The following PTPN9 variants were observed in gnomAD, a reference collection of about 807,000 sequenced individuals.
PTPN9 encodes tyrosine-protein phosphatase non-receptor type 9.
PTPN9 carries 26 observed loss-of-function variants against 69.8 expected under a neutral mutation model. The observed-to-expected ratio is 0.37, with a 90% CI of 0.27 to 0.52. The LOEUF is 0.52. Ranked by LOEUF, PTPN9 falls within the 20% of genes least tolerant of loss-of-function variation. The pLI is 0.91. For synonymous variants in PTPN9, 274 were observed against 272.5 expected (o/e 1.01, Z -0.05); for missense variants, 549 against 740.3 (o/e 0.74, Z 3.00).
intron 1 of PTPN9, among the ~76,000 whole-genome samples, chr15:75,571,431 A>G (rs2075147932): frequency 6.6e-6 from 1 of 152,118 alleles, no homozygotes. Flanking sequence ...AAGAAAAAAC[A>G]TAAAATTAAA....
At chr15:75,559,524 A>C (rs2141339864) in intron 1 of PTPN9, among the ~76,000 whole-genome samples, 1 of 152,332 alleles carries the variant, frequency 6.6e-6, no homozygotes, top group South Asian at 2.1e-4. Context: ...CGTTAGATGG[A>C]TTAAGGGCGG....
rs143409611 is a variant in PTPN9 at position 75,491,173 on chromosome 15, C to T, written c.969-872G>A. On this transcript the variant is annotated intron_variant, in intron 7 of 12. Coordinates refer to ENST00000618819, the MANE Select transcript of PTPN9 (RefSeq NM_002833.4). ...ATCCCAGCACTTTGGGAGGCCAAGG[C>T]GGGTGGATCACCTGGGGTCAGGGGT... Among the ~76,000 whole-genome samples, 24 of 151,950 alleles carry T rather than the reference C, an allele frequency of 1.6e-4. No homozygotes were observed. The East Asian group carries it at 3.1e-3, about 20-fold the overall frequency.
Position 75,530,687 on chromosome 15 carries a change from T to TAC in PTPN9, c.64-3427_64-3426insGT, listed in dbSNP as rs59241994. 4.3e-5 allele frequency among the ~76,000 whole-genome samples: 2 copies of TAC among 46,846 alleles called. 1 individual carries two copies. Among genetic ancestry groups the TAC allele is most frequent in the African/African-American group, 2.2e-4 (2 of 9,260 alleles). The allele number at this position is 46,846 out of a possible 152,430, so 30.7% of individuals were successfully genotyped here. ...ATATACTATTATATATATTATTATA[T>TAC]TATAATATATATAATATATATTATT... is the stretch of plus-strand genomic sequence containing the variant. On this transcript the variant is annotated intron_variant, in intron 1 of 12. Coordinates refer to ENST00000618819, the MANE Select transcript of PTPN9 (RefSeq NM_002833.4).
At chr15:75,577,993 C>T (rs1403041857) in intron 1 of PTPN9, among the ~76,000 whole-genome samples, 1 of 152,168 alleles carries the variant, frequency 6.6e-6, no homozygotes, top group East Asian at 1.9e-4. Flanking sequence ...CAAACCACTT[C>T]CTTCTGAAAA....
chr15:75,496,444 T>C (rs2074742143), intron 7 of PTPN9, among the ~76,000 whole-genome samples: 1 of 151,666 alleles, frequency 6.6e-6, no homozygotes, highest in Admixed American at 6.6e-5. Context: ...AGTGGAGACA[T>C]AGTATAAGAG....
intron 1 of PTPN9, among the ~76,000 whole-genome samples, chr15:75,537,728 A>G (rs1268323580): frequency 2.0e-5 from 2 of 98,894 alleles, no homozygotes; most frequent in Non-Finnish European, 4.0e-5. Context: ...GCACTCCAGC[A>G]GGGCAACAGA....
intron 1 of PTPN9, among the ~76,000 whole-genome samples, chr15:75,538,986 AAAGC>A (rs1002050699): frequency 2.6e-5 from 4 of 152,144 alleles, no homozygotes; most frequent in Admixed American, 2.6e-4. Context: ...CCTAGGCAAC[AAAGC>A]AAGACCCAGT....
intron 9 of PTPN9, among the ~76,000 whole-genome samples, chr15:75,476,804 C>A (rs578205652): frequency 1.3e-5 from 2 of 152,296 alleles, no homozygotes; most frequent in African/African-American, 4.8e-5. Flanking sequence ...GACACCTTTT[C>A]CACATCTCTG....
intron 6 of PTPN9, among the ~76,000 whole-genome samples, 193 bp downstream of exon 6, chr15:75,508,724 G>A (rs552056442): frequency 2.0e-5 from 3 of 152,324 alleles, no homozygotes; most frequent in South Asian, 2.1e-4. Flanking sequence ...CAAGAAGCTC[G>A]TAGGACAGTA....
At position 75,464,258 on chromosome 15, in the gene PTPN9, AAC is replaced by A. The variant is rs1166859059; in HGVS notation, c.*4509_*4510del. Reference sequence around the variant, plus strand: ...GCTGGAGTTCGAGACCAGCCTGGGCAACATAGTGAGATCCTGTCTCTAGAGAG... The same window carrying A: ...GCTGGAGTTCGAGACCAGCCTGGGCAATAGTGAGATCCTGTCTCTAGAGAG... On this transcript the variant is annotated 3_prime_UTR_variant, in exon 13 of 13. Coordinates refer to ENST00000618819, the MANE Select transcript of PTPN9 (RefSeq NM_002833.4). 1 of 152,552 alleles carries A rather than the reference AAC, an allele frequency of 6.6e-6. No homozygotes were observed. Among genetic ancestry groups the A allele is most frequent in the African/African-American group, 2.4e-5 (1 of 41,348 alleles). 9.4% of individuals were successfully genotyped at this position (152,552 alleles called of 1,614,324 possible). A position where few individuals can be genotyped will look rare whatever the true frequency, so the allele number is the denominator to read the frequency against.
Position 75,465,778 on chromosome 15 carries a change from C to T in PTPN9, c.*2991G>A, listed in dbSNP as rs2074534354. 6.6e-6 allele frequency: 1 copy of T among 152,204 alleles called. No individual in the cohort carries two copies. Among genetic ancestry groups the T allele is most frequent in the South Asian group, 2.1e-4 (1 of 4,828 alleles). The allele number at this position is 152,204 out of a possible 1,614,324, so 9.4% of individuals were successfully genotyped here. On this transcript the variant is annotated 3_prime_UTR_variant, in exon 13 of 13. Transcript: ENST00000618819. ...CAGTCTTCAGATATGCAATGAGGAACTCATGCATAACCTTAAATTCACAGG... is the reference window on the plus strand; with the variant it reads ...CAGTCTTCAGATATGCAATGAGGAATTCATGCATAACCTTAAATTCACAGG...
intron 9 of PTPN9, among the ~76,000 whole-genome samples, chr15:75,475,038 C>T (rs1170756475): frequency 6.6e-6 from 1 of 152,194 alleles, no homozygotes; most frequent in Non-Finnish European, 1.5e-5. Context: ...GAAGCTTCTT[C>T]TCTTTTGCTT....
At chr15:75,482,860 C>A (rs2074650929) in intron 8 of PTPN9, among the ~76,000 whole-genome samples, 1 of 151,576 alleles carries the variant, frequency 6.6e-6, no homozygotes, top group Admixed American at 6.6e-5. Context: ...GAGGCTGAGG[C>A]AGGAGAATGG....
At chr15:75,525,629 C>A (rs879599849) in intron 2 of PTPN9, among the ~76,000 whole-genome samples, 7 of 151,540 alleles carry the variant, frequency 4.6e-5, no homozygotes, top group Non-Finnish European at 1.0e-4. Flanking sequence ...TTGTTTTAAA[C>A]CTCTTAGGCT....
chr15:75,476,073 G>A (rs2141289099), intron 9 of PTPN9, among the ~76,000 whole-genome samples: 1 of 152,220 alleles, frequency 6.6e-6, no homozygotes, highest in East Asian at 1.9e-4. Context: ...TGCCTGGAGA[G>A]GCCAAGGCTG....
intron 5 of PTPN9, among the ~76,000 whole-genome samples, chr15:75,516,303 CTT>C (rs750940118): frequency 1.1e-4 from 14 of 132,542 alleles, no homozygotes; most frequent in Non-Finnish European, 8.1e-5. Context: ...TATGTTTCTT[CTT>C]TTTTTTTTTT....
intron 1 of PTPN9, among the ~76,000 whole-genome samples, chr15:75,576,127 G>A (rs1049715957): frequency 6.8e-6 from 1 of 146,854 alleles, no homozygotes; most frequent in African/African-American, 2.5e-5. Context: ...AGCTACTTGG[G>A]AGGCTGAGGC....
intron 1 of PTPN9, among the ~76,000 whole-genome samples, chr15:75,534,612 CT>C (rs1463709263): frequency 1.3e-5 from 2 of 150,530 alleles, no homozygotes; most frequent in East Asian, 3.9e-4. Flanking sequence ...GATGCCAAGG[CT>C]GCAGAGGGCC....
At chr15:75,484,634 G>C (rs764554275) in intron 8 of PTPN9, among the ~76,000 whole-genome samples, 11 of 152,182 alleles carry the variant, frequency 7.2e-5, no homozygotes, top group Admixed American at 5.2e-4. Context: ...TTATGTTATA[G>C]TATAACTAGT....
Sources: gnomAD v4.1 joint callset for allele counts (sites outside exome capture counted in the v4.1 genomes callset) on GRCh38, gnomAD v4.1.1 for gene constraint, MANE v1.5 for transcripts, NCBI Gene and HGNC (gene_info 2026-07-23, HGNC 2026-07-21) for gene names.